SNTB2: variants seen among roughly 807,000 people sequenced by gnomAD.
SNTB2 encodes the protein beta-2-syntrophin.
In SNTB2, 34 loss-of-function variants were observed where a neutral mutation model predicts 46.2. The ratio of observed to expected loss-of-function variants is 0.74; its 90% confidence interval spans 0.56 to 0.98. The LOEUF (loss-of-function observed/expected upper bound fraction) is 0.98. Among genes scored for constraint, SNTB2 ranks in the 50% least tolerant of loss-of-function variants. The probability of loss-of-function intolerance (pLI) is 0.00; values close to 1 mark genes in which losing one functional copy is unlikely to be tolerated. For missense variants in SNTB2, 603 were observed against 731.4 expected (o/e 0.82, Z 2.02); for synonymous variants, 290 against 312.6 (o/e 0.93, Z 0.76).
intron 1 of SNTB2, among the ~76,000 whole-genome samples, chr16:69,196,853 A>G (rs1425998906): frequency 3.9e-5 from 6 of 152,328 alleles, no homozygotes; most frequent in South Asian, 2.1e-4. Flanking sequence ...AACCATTATA[A>G]TAGACTGCCT....
Position 69,306,167 on chromosome 16 carries a change from G to A in SNTB2, c.*5243G>A, listed in dbSNP as rs1181590078. On this transcript the variant is annotated 3_prime_UTR_variant, in exon 7 of 7. Transcript: ENST00000336278. Reference sequence around the variant, plus strand: ...AGTGACACAAATTCATTCTCTTAAAGGATAGAATTTCAAGTTAAGGATAAG... The same window carrying A: ...AGTGACACAAATTCATTCTCTTAAAAGATAGAATTTCAAGTTAAGGATAAG... 1 of 152,062 alleles carries A rather than the reference G, an allele frequency of 6.6e-6. No individual in the cohort carries two copies. The highest frequency in any genetic ancestry group is 2.1e-4 in the South Asian group (1 of 4,836). 9.4% of individuals were successfully genotyped at this position (152,062 alleles called of 1,614,324 possible). A position where few individuals can be genotyped will look rare whatever the true frequency, so the allele number is the denominator to read the frequency against.
chr16:69,267,918 G>A (rs1964901371), intron 3 of SNTB2, among the ~76,000 whole-genome samples: 1 of 152,224 alleles, frequency 6.6e-6, no homozygotes, highest in African/African-American at 2.4e-5. Context: ...AGCTGTCAGT[G>A]ATGCTGAGCT....
At chr16:69,224,210 ATTTT>A (rs34419738) in intron 1 of SNTB2, among the ~76,000 whole-genome samples, 1 of 127,778 alleles carries the variant, frequency 7.8e-6, no homozygotes. Context: ...TTCCTTTGCA[ATTTT>A]TTTTTTTTTT....
At chr16:69,228,332 C>G (rs1251203842) in intron 1 of SNTB2, among the ~76,000 whole-genome samples, 1 of 151,214 alleles carries the variant, frequency 6.6e-6, no homozygotes. Flanking sequence ...ATGGTGAAAC[C>G]CCATCTCTAC....
Position 69,270,180 on chromosome 16 carries a change from T to A in SNTB2, c.1043T>A (p.Val348Asp). Residue 348 changes from valine (V) to aspartate (D), a missense_variant, in exon 4 of 7, where the codon GTC becomes GAC. Val to Asp is a radical substitution (Grantham distance 152). Around this residue, in one of 2 missense-constraint regions of SNTB2, gnomAD observed 537 missense variants for 692.4 expected, o/e 0.78. Transcript: ENST00000336278. ...LDGGRQQWRPVLMAVTEKDLL... is the reference protein window; with the variant it reads ...LDGGRQQWRPDLMAVTEKDLL... ...GGTGGAAGACAGCAATGGAGACCTG[T>A]CCTCATGGCTGTGACTGAGAAGGAT... 6.2e-7 allele frequency: 1 copy of A among 1,614,098 alleles called. No individual in the cohort carries two copies. Among genetic ancestry groups the A allele is most frequent in the Non-Finnish European group, 8.5e-7 (1 of 1,180,020 alleles).
At chr16:69,245,492 GCT>G (rs1405906498) in intron 1 of SNTB2, 108 bp from the exon 2 acceptor site, 1 of 1,124,102 alleles carries the variant, frequency 8.9e-7, no homozygotes, top group Non-Finnish European at 1.3e-6. Context: ...ACCGCGCCCA[GCT>G]CTTTCCTCCA....
intron 1 of SNTB2, among the ~76,000 whole-genome samples, chr16:69,198,823 T>G (rs568879048): frequency 6.6e-6 from 1 of 151,924 alleles, no homozygotes; most frequent in Non-Finnish European, 1.5e-5. Flanking sequence ...AAATATGAAA[T>G]AGAGAATGAA....
chr16:69,247,651 C>G (rs1184071969), intron 2 of SNTB2, among the ~76,000 whole-genome samples: 1 of 152,134 alleles, frequency 6.6e-6, no homozygotes, highest in African/African-American at 2.4e-5. Context: ...AGGTCACCTG[C>G]TCAAAGTAGG....
chr16:69,281,450 T>G (rs941009896), intron 4 of SNTB2, among the ~76,000 whole-genome samples: 7 of 151,986 alleles, frequency 4.6e-5, no homozygotes, highest in Admixed American at 6.6e-5. Flanking sequence ...AAGATCCATT[T>G]TGAGTTAATT....
chr16:69,266,396 A>G (rs969215725), intron 3 of SNTB2, among the ~76,000 whole-genome samples: 2 of 152,158 alleles, frequency 1.3e-5, no homozygotes, highest in African/African-American at 4.8e-5. Flanking sequence ...AAACAAAAAA[A>G]AGTTAAGGCA....
chr16:69,207,146 CTTTCT>C (rs1480728578), intron 1 of SNTB2, among the ~76,000 whole-genome samples: 3 of 131,666 alleles, frequency 2.3e-5, no homozygotes, highest in Non-Finnish European at 5.0e-5. Flanking sequence ...CTTTTCTTTT[CTTTCT>C]TTCTTTTTTT....
intron 1 of SNTB2, among the ~76,000 whole-genome samples, chr16:69,231,778 C>T (rs1435892179): frequency 1.3e-5 from 2 of 152,176 alleles, no homozygotes; most frequent in African/African-American, 2.4e-5. Flanking sequence ...GGGAAATTTA[C>T]TGGTAGCTGT....
chr16:69,237,602 TC>T (rs1281848001), intron 1 of SNTB2, among the ~76,000 whole-genome samples: 2 of 132,104 alleles, frequency 1.5e-5, no homozygotes, highest in African/African-American at 3.4e-5. Flanking sequence ...TTTCTTTCTT[TC>T]TTTTTTTTTT....
chr16:69,247,325 T>C (rs1964680607), intron 2 of SNTB2, among the ~76,000 whole-genome samples: 1 of 152,144 alleles, frequency 6.6e-6, no homozygotes, highest in South Asian at 2.1e-4. Context: ...TTGTCTTCAT[T>C]AACTCAATGA....
At chr16:69,299,475 G>A in intron 5 of SNTB2, 115 bp from the exon 6 acceptor site, 3 of 989,756 alleles carry the variant, frequency 3.0e-6, no homozygotes, top group Non-Finnish European at 1.5e-6. Context: ...TACAGGTTAG[G>A]TATCACACAT....
intron 1 of SNTB2, among the ~76,000 whole-genome samples, chr16:69,192,772 G>C (rs1044290986): frequency 6.6e-6 from 1 of 152,122 alleles, no homozygotes; most frequent in African/African-American, 2.4e-5. Flanking sequence ...AACAAAACTC[G>C]TGAAATAATT....
chr16:69,243,557 A>G (rs1372014250), intron 1 of SNTB2, among the ~76,000 whole-genome samples: 1 of 152,240 alleles, frequency 6.6e-6, no homozygotes, highest in Non-Finnish European at 1.5e-5. Flanking sequence ...ATATTATTCA[A>G]GAATTCATTT....
At chr16:69,264,096 T>C (rs1368356360) in intron 3 of SNTB2, among the ~76,000 whole-genome samples, 1 of 152,092 alleles carries the variant, frequency 6.6e-6, no homozygotes, top group East Asian at 1.9e-4. Context: ...GTACCTGGCC[T>C]TTGGCTTTTC....
intron 1 of SNTB2, among the ~76,000 whole-genome samples, chr16:69,203,571 C>T (rs1327156514): frequency 6.6e-6 from 1 of 151,234 alleles, no homozygotes; most frequent in Non-Finnish European, 1.5e-5. Flanking sequence ...AATTTCTGGC[C>T]TCAAGTGATC....
Sources: allele counts gnomAD v4.1 joint callset (sites outside exome capture counted in the v4.1 genomes callset), GRCh38; gene constraint gnomAD v4.1.1; regional missense constraint gnomAD v4.1.1; transcripts MANE v1.5; gene names NCBI Gene and HGNC (gene_info 2026-07-23, HGNC 2026-07-21).